The following GLP1R variants were observed in gnomAD, a reference collection of about 807,000 sequenced individuals.
GLP1R encodes the protein glucagon-like peptide 1 receptor.
A neutral mutation model predicts 68.4 loss-of-function variants in GLP1R; 32 were observed. The observed-to-expected ratio is 0.47, with a 90% confidence interval of 0.35 to 0.63. The LOEUF is 0.63. GLP1R is among the 20% of genes least tolerant of loss of function. The probability of loss-of-function intolerance (pLI) is 0.00; values close to 1 mark genes in which losing one functional copy is unlikely to be tolerated. For synonymous variants in GLP1R, 263 were observed against 244.4 expected, an observed-to-expected ratio of 1.08 and a Z score of -0.71; for missense variants, 502 against 594.9, an observed-to-expected ratio of 0.84 and a Z score of 1.62.
chr6:39,077,168 A>G (rs147651189), intron 7 of GLP1R, among the ~76,000 whole-genome samples: 153 of 152,322 alleles, frequency 1.0e-3, no homozygotes, highest in African/African-American at 3.6e-3. Flanking sequence ...TCTCACAGAG[A>G]AAACTCTTTA....
In GLP1R at chr6:39,059,924, G is replaced by C. The variant is rs112622724; in HGVS notation, c.283+2345G>C. Among the ~76,000 whole-genome samples the C allele has an allele frequency of 6.6e-3, 1,008 of 152,232 alleles. 14 individuals carry two copies. Among genetic ancestry groups the C allele is most frequent in the African/African-American group, 0.022 (928 of 41,506 alleles). On this transcript the variant is annotated intron_variant, in intron 3 of 12. Coordinates refer to ENST00000373256, the MANE Select transcript of GLP1R (RefSeq NM_002062.5). ...TGGTGCCCGTTTATGAGCAAACATGGTTTTATTGCTTTCTCCATGAAGATA... is the reference window on the plus strand; with the variant it reads ...TGGTGCCCGTTTATGAGCAAACATGCTTTTATTGCTTTCTCCATGAAGATA...
At position 39,086,180 on chromosome 6, in the gene GLP1R, C is replaced by G. The variant is rs201560144; in HGVS notation, c.*107C>G. 5.8e-6 allele frequency: 4 copies of G among 693,540 alleles called. No homozygotes were observed. Among genetic ancestry groups the G allele is most frequent in the Non-Finnish European group, 9.6e-6 (4 of 417,518 alleles). The allele number at this position is 693,540 out of a possible 1,614,324, so 43.0% of individuals were successfully genotyped here. On this transcript the variant is annotated 3_prime_UTR_variant, in exon 13 of 13. Transcript: ENST00000373256. This position sits in a 1 kb window ranked among gnomAD's most constrained non-coding sequence, Gnocchi z 4.5. ...GGGAAGGAAGGGACACACACACACA[C>G]ACACACACACACACACACACACACA...
chr6:39,078,909 T>C, intron 8 of GLP1R, 48 bp from the exon 9 acceptor site: 9 of 1,500,532 alleles, frequency 6.0e-6, no homozygotes, highest in Non-Finnish European at 8.4e-6. Context: ...GAGCTGGGGG[T>C]CCTGTGAGTC....
intron 12 of GLP1R, among the ~76,000 whole-genome samples, chr6:39,082,405 C>T (rs1402300985): frequency 6.6e-6 from 1 of 152,024 alleles, no homozygotes; most frequent in South Asian, 2.1e-4. Flanking sequence ...GGGGCAAGAT[C>T]CCACTTAATG....
At chr6:39,082,591 C>T (rs532164049) in intron 12 of GLP1R, among the ~76,000 whole-genome samples, 2 of 152,258 alleles carry the variant, frequency 1.3e-5, no homozygotes, top group South Asian at 4.1e-4. Flanking sequence ...TCCTCCACTG[C>T]CATATCCTCA....
chr6:39,065,574 A>G, intron 3 of GLP1R, 137 bp from the exon 4 acceptor site: 1 of 596,900 alleles, frequency 1.7e-6, no homozygotes, highest in South Asian at 2.0e-5. Flanking sequence ...AGAAGGGAAA[A>G]GGATGTCACT....
chr6:39,059,792 C>T (rs1179762966), intron 3 of GLP1R, among the ~76,000 whole-genome samples: 5 of 152,280 alleles, frequency 3.3e-5, no homozygotes, highest in African/African-American at 7.2e-5. Flanking sequence ...GGGAGCCAGG[C>T]GTAGGACAGG....
Position 39,078,350 on chromosome 6 carries a change from G to A in GLP1R, c.852G>A (p.Trp284Ter). The change falls in exon 8 of 13, where the codon TGG becomes TGA. Residue 284 changes from tryptophan to a stop codon, truncating the protein, a stop_gained. Transcript: ENST00000373256. LOFTEE classifies it high-confidence loss of function. The stretch of plus-strand genomic sequence containing the variant: ...TTCCCCTGCTGTTTGTTGTCCCCTG[G>A]GGCATTGTCAAGTACCTCTATGAGG... ...WGVPLLFVVP[W>*]GIVKYLYEDE... is the part of the protein sequence containing the mutation. The A allele has an allele frequency of 6.2e-7, 1 of 1,613,100 alleles. No individual in the cohort carries two copies. The highest frequency in any genetic ancestry group is 2.2e-5 in the East Asian group (1 of 44,866).
At chr6:39,076,409 A>G (rs1768828596) in intron 7 of GLP1R, among the ~76,000 whole-genome samples, 1 of 152,146 alleles carries the variant, frequency 6.6e-6, no homozygotes. Context: ...GAGAGGTCCG[A>G]TTTGTGTAGA....
intron 1 of GLP1R, among the ~76,000 whole-genome samples, chr6:39,054,626 C>T (rs111593052): frequency 2.0e-5 from 3 of 152,316 alleles, no homozygotes; most frequent in South Asian, 2.1e-4. Flanking sequence ...CCCCTCCCCC[C>T]GCCTCTGGGA....
At chr6:39,057,425 T>TG in intron 2 of GLP1R, 47 bp from the exon 3 acceptor site, 1 of 1,234,888 alleles carries the variant, frequency 8.1e-7, no homozygotes, top group Non-Finnish European at 1.2e-6. Flanking sequence ...GAAAGGGCCA[T>TG]GGCCAGTCAC....
chr6:39,081,367 C>T (rs1318674339), intron 12 of GLP1R, among the ~76,000 whole-genome samples: 1 of 152,220 alleles, frequency 6.6e-6, no homozygotes, highest in Non-Finnish European at 1.5e-5. Context: ...TTCATACACA[C>T]AGGCAAGAGC....
intron 1 of GLP1R, among the ~76,000 whole-genome samples, chr6:39,051,672 G>A (rs1768091125): frequency 6.6e-6 from 1 of 152,044 alleles, no homozygotes; most frequent in Admixed American, 6.5e-5. Context: ...AGGGGACAGA[G>A]ATACAGACAG....
At chr6:39,062,595 G>A (rs78530963) in intron 3 of GLP1R, among the ~76,000 whole-genome samples, 2,235 of 152,284 alleles carry the variant, frequency 0.015, 62 homozygotes, top group African/African-American at 0.05. Context: ...AGCGGCCGGG[G>A]GTCCACACTG....
chr6:39,054,168 G>A (rs547978081), intron 1 of GLP1R, among the ~76,000 whole-genome samples: 18 of 152,128 alleles, frequency 1.2e-4, no homozygotes, highest in Admixed American at 7.9e-4. Context: ...CACTTGTCCT[G>A]TAAAGCATTG....
chr6:39,085,204 C>T (rs2150839889), intron 12 of GLP1R, among the ~76,000 whole-genome samples: 1 of 152,312 alleles, frequency 6.6e-6, no homozygotes, highest in African/African-American at 2.4e-5. Context: ...GGCCCCCAAG[C>T]ATCAGCCCTC....
At chr6:39,055,506 G>T (rs1768189673) in intron 1 of GLP1R, among the ~76,000 whole-genome samples, 1 of 152,192 alleles carries the variant, frequency 6.6e-6, no homozygotes, top group Admixed American at 6.5e-5. Context: ...GTTTGGGTCT[G>T]TGTGCTGAAA....
chr6:39,048,915 C>G lies in GLP1R; in HGVS notation c.75C>G (p.Pro25=). The change falls in exon 1 of 13, where the codon CCC becomes CCG. Residue 25 remains proline (P), a synonymous_variant. Transcript: ENST00000373256. The stretch of plus-strand genomic sequence containing the variant: ...TGGTGGGCAGGGCCGGCCCCCGCCC[C>G]CAGGTGAGATCCAGGGACCCCGACG... ...LGMVGRAGPR[P]QGATVSLWET... 1 of 1,377,422 alleles carries G rather than the reference C, an allele frequency of 7.3e-7. No homozygotes were observed. The highest frequency in any genetic ancestry group is 1.5e-5 in the South Asian group (1 of 65,916). 85.3% of individuals were successfully genotyped at this position (1,377,422 alleles called of 1,614,324 possible).
intron 12 of GLP1R, among the ~76,000 whole-genome samples, chr6:39,082,848 A>AC (rs926541234): frequency 6.7e-5 from 10 of 149,924 alleles, no homozygotes; most frequent in African/African-American, 9.8e-5. Context: ...TGTCATCTTG[A>AC]CCCCCCCACG....
Sources: allele counts gnomAD v4.1 joint callset (sites outside exome capture counted in the v4.1 genomes callset), GRCh38; gene constraint gnomAD v4.1.1; non-coding constraint Gnocchi (gnomAD v3.1); transcripts MANE v1.5; gene names NCBI Gene and HGNC (gene_info 2026-07-23, HGNC 2026-07-21).